The following SNX24 variants were observed in gnomAD, a reference collection of about 807,000 sequenced individuals.
The protein encoded by SNX24 is sorting nexin-24.
Under a neutral mutation model 28.7 loss-of-function variants are expected in SNX24, and 22 were observed. The observed-to-expected ratio is 0.77, with a 90% CI of 0.55 to 1.10. SNX24 has a LOEUF of 1.10. SNX24 is among the 50% of genes least tolerant of loss of function. SNX24 has a pLI of 0.00. For synonymous variants in SNX24, 69 were observed against 71.5 expected, an observed-to-expected ratio of 0.96 and a Z score of 0.18; for missense variants, 221 against 201.1, an observed-to-expected ratio of 1.10 and a Z score of -0.60.
At chr5:122,940,902 T>G (rs973412492) in intron 2 of SNX24, among the ~76,000 whole-genome samples, 1 of 152,114 alleles carries the variant, frequency 6.6e-6, no homozygotes, top group African/African-American at 2.4e-5. Context: ...TGTAGCTGAG[T>G]CTTTTCTGGG....
chr5:123,004,609 C>T (rs940487663), intron 6 of SNX24, among the ~76,000 whole-genome samples: 1 of 152,228 alleles, frequency 6.6e-6, no homozygotes, highest in African/African-American at 2.4e-5. Context: ...TCAACTCTGT[C>T]CTGGGAGCTC....
chr5:122,883,966 T>C (rs952840294), intron 1 of SNX24, among the ~76,000 whole-genome samples: 1 of 152,226 alleles, frequency 6.6e-6, no homozygotes, highest in Non-Finnish European at 1.5e-5. Context: ...CATCATTGAC[T>C]GTTAAATTAG....
downstream of SNX24, among the ~76,000 whole-genome samples, chr5:123,014,132 G>A (rs1367747007): frequency 6.6e-6 from 1 of 152,192 alleles, no homozygotes; most frequent in Admixed American, 6.5e-5. Context: ...AAGCTTGGGC[G>A]AATCCAGTCC....
At chr5:122,884,780 G>A (rs974439520) in intron 1 of SNX24, among the ~76,000 whole-genome samples, 1 of 152,118 alleles carries the variant, frequency 6.6e-6, no homozygotes, top group Non-Finnish European at 1.5e-5. Flanking sequence ...GTTGCCGAGA[G>A]TGGAGAGCGT....
At chr5:122,984,701 A>G (rs1761522973) in intron 3 of SNX24, among the ~76,000 whole-genome samples, 1 of 152,214 alleles carries the variant, frequency 6.6e-6, no homozygotes, top group African/African-American at 2.4e-5. Flanking sequence ...CAGTTGCAAA[A>G]TTGTACTCAA....
intron 1 of SNX24, among the ~76,000 whole-genome samples, chr5:122,919,224 C>T (rs1370475521): frequency 6.6e-6 from 1 of 152,188 alleles, no homozygotes; most frequent in Non-Finnish European, 1.5e-5. Flanking sequence ...TGCAAAGAGG[C>T]AAACCTGGGC....
At chr5:122,927,773 A>G (rs1758766641) in intron 1 of SNX24, among the ~76,000 whole-genome samples, 1 of 152,120 alleles carries the variant, frequency 6.6e-6, no homozygotes. Context: ...TCACACTCTA[A>G]TAATGCCCAA....
intron 1 of SNX24, among the ~76,000 whole-genome samples, chr5:122,912,549 G>A (rs1221179331): frequency 6.6e-6 from 1 of 152,128 alleles, no homozygotes; most frequent in Non-Finnish European, 1.5e-5. Flanking sequence ...TCTTGTGCCA[G>A]TTTTGAAAGG....
chr5:122,860,619 A>G (rs1755415247), intron 1 of SNX24, among the ~76,000 whole-genome samples: 2 of 152,186 alleles, frequency 1.3e-5, no homozygotes, highest in Non-Finnish European at 2.9e-5. Flanking sequence ...TTGTTGAGAC[A>G]CAGTCTCGCT....
At chr5:122,901,673 T>A (rs1336699448) in intron 1 of SNX24, among the ~76,000 whole-genome samples, 1 of 152,196 alleles carries the variant, frequency 6.6e-6, no homozygotes, top group East Asian at 1.9e-4. Flanking sequence ...CCTTGGACTT[T>A]ACAGATTGAT....
chr5:123,012,603 T>A (rs1762608710), downstream of SNX24, among the ~76,000 whole-genome samples: 1 of 152,222 alleles, frequency 6.6e-6, no homozygotes, highest in Non-Finnish European at 1.5e-5. Context: ...AACAATGTAA[T>A]GTACTTAATG....
intron 3 of SNX24, among the ~76,000 whole-genome samples, chr5:122,973,756 C>T (rs149609854): frequency 6.6e-6 from 1 of 152,266 alleles, no homozygotes; most frequent in East Asian, 1.9e-4. Context: ...CATAGTCAAG[C>T]GTTCAGTTTC....
chr5:122,917,056 C>T (rs1360772796), intron 1 of SNX24, among the ~76,000 whole-genome samples: 1 of 152,070 alleles, frequency 6.6e-6, no homozygotes, highest in African/African-American at 2.4e-5. Flanking sequence ...ATCACGAGGT[C>T]AAGAGATAGA....
At chr5:122,848,827 C>T (rs1425697873) in intron 1 of SNX24, among the ~76,000 whole-genome samples, 1 of 152,132 alleles carries the variant, frequency 6.6e-6, no homozygotes, top group Non-Finnish European at 1.5e-5. Flanking sequence ...TCTCATTCCC[C>T]CAGAAGTAAA....
chr5:122,978,242 A>G (rs1761248541), intron 3 of SNX24, among the ~76,000 whole-genome samples: 1 of 152,248 alleles, frequency 6.6e-6, no homozygotes, highest in South Asian at 2.1e-4. Flanking sequence ...TTAGTAGACC[A>G]GGGTAAAGAA....
chr5:122,976,844 C>A (rs1761185789), intron 3 of SNX24, among the ~76,000 whole-genome samples: 1 of 152,242 alleles, frequency 6.6e-6, no homozygotes, highest in Non-Finnish European at 1.5e-5. Context: ...TTTCATATGT[C>A]TATGATTGCT....
intron 3 of SNX24, among the ~76,000 whole-genome samples, chr5:122,980,731 C>T (rs889308234): frequency 6.6e-6 from 1 of 150,482 alleles, no homozygotes; most frequent in African/African-American, 2.4e-5. Flanking sequence ...TCTAGTGTGA[C>T]AGAGAATACC....
At chr5:122,859,137 G>C (rs1477729762) in intron 1 of SNX24, among the ~76,000 whole-genome samples, 1 of 152,106 alleles carries the variant, frequency 6.6e-6, no homozygotes, top group Admixed American at 6.6e-5. Context: ...ATTGGCACTT[G>C]AATAAATGAA....
intron 3 of SNX24, among the ~76,000 whole-genome samples, chr5:122,997,002 T>C (rs990610534): frequency 2.6e-5 from 4 of 152,190 alleles, no homozygotes; most frequent in Non-Finnish European, 5.9e-5. Context: ...AAGTTGTAAA[T>C]GGAACAGTTG....
Sources: allele counts gnomAD v4.1 joint callset (sites outside exome capture counted in the v4.1 genomes callset), GRCh38; gene constraint gnomAD v4.1.1; transcripts MANE v1.5; gene names NCBI Gene and HGNC (gene_info 2026-07-23, HGNC 2026-07-21).